The following GLYATL2 variants were observed in gnomAD, a reference collection of about 807,000 sequenced individuals.
The protein encoded by GLYATL2 is glycine-N-acyltransferase like 2, also known as glycine N-acyltransferase-like protein 2.
Under a neutral mutation model 21.4 loss-of-function variants are expected in GLYATL2, and 25 were observed. That is an observed-to-expected ratio of 1.17 (90% CI 0.85 to 1.63). The LOEUF (loss-of-function observed/expected upper bound fraction) is 1.63, where lower values mean the gene tolerates loss of function less well. Ranked by LOEUF, GLYATL2 falls within the 40% of genes most tolerant of loss-of-function variation. The pLI, the probability that GLYATL2 is intolerant of heterozygous loss-of-function variation, is 0.00. For missense variants in GLYATL2, 361 were observed against 343.3 expected (o/e 1.05, Z -0.41); for synonymous variants, 114 against 118.2 (o/e 0.96, Z 0.23).
rs1043551877 is a variant in GLYATL2, at chr11:58,834,745, T to A, written c.569A>T (p.Lys190Ile). 1 of 1,613,894 alleles carries A rather than the reference T, an allele frequency of 6.2e-7. No individual in the cohort carries two copies. The highest frequency in any genetic ancestry group is 1.3e-5 in the African/African-American group (1 of 74,888). The change falls in exon 6 of 6, where the codon AAA becomes ATA. Residue 190 changes from lysine to isoleucine, a missense_variant. Lys to Ile is a moderately radical substitution (Grantham distance 102). Coordinates refer to ENST00000287275, the MANE Select transcript of GLYATL2 (RefSeq NM_145016.4). ...WAFGKNERSLKYIERCLQDFL... is the reference protein window; with the variant it reads ...WAFGKNERSLIYIERCLQDFL... ...ATCCTGGAGGCAGCGTTCAATATAT[T>A]TCAAGCTCCTCTCATTTTTCCCAAA...
chr11:58,849,170 A>G (rs1853694852), upstream of GLYATL2, among the ~76,000 whole-genome samples: 2 of 152,212 alleles, frequency 1.3e-5, no homozygotes, highest in Admixed American at 6.5e-5. Context: ...GACCTTTCCT[A>G]CAAGAAATGC....
intron 1 of GLYATL2, among the ~76,000 whole-genome samples, chr11:58,886,892 C>A (rs533946691): frequency 6.6e-6 from 1 of 152,148 alleles, no homozygotes; most frequent in Admixed American, 6.5e-5. Context: ...GACAAAATGA[C>A]CCTAGCTTGA....
At chr11:58,858,195 A>T (rs1486582110) in intron 1 of GLYATL2, among the ~76,000 whole-genome samples, 1 of 152,104 alleles carries the variant, frequency 6.6e-6, no homozygotes, top group East Asian at 1.9e-4. Flanking sequence ...GGGGGAAAAA[A>T]ACTCCACAAA....
intron 5 of GLYATL2, among the ~76,000 whole-genome samples, chr11:58,835,533 GAGA>G (rs770979888): frequency 1.4e-4 from 22 of 152,204 alleles, no homozygotes; most frequent in Admixed American, 3.3e-4. Context: ...TGGTGGAAGA[GAGA>G]AGATCTCCAG....
intron 1 of GLYATL2, among the ~76,000 whole-genome samples, chr11:58,870,133 CAA>C (rs1199817478): frequency 6.6e-6 from 1 of 151,914 alleles, no homozygotes; most frequent in Non-Finnish European, 1.5e-5. Context: ...CAGAGAATGA[CAA>C]TGGGGCACAG....
intron 1 of GLYATL2, among the ~76,000 whole-genome samples, chr11:58,844,113 T>C (rs1319935618): frequency 6.6e-6 from 1 of 152,012 alleles, no homozygotes; most frequent in Non-Finnish European, 1.5e-5. Flanking sequence ...ATTTTTTTTT[T>C]CTGCTAACAG....
At chr11:58,909,622 T>C in the GLYATL2 span, among the ~76,000 whole-genome samples, 1 of 152,190 alleles carries the variant, frequency 6.6e-6, no homozygotes, top group African/African-American at 2.4e-5. Flanking sequence ...AATAAAGTCA[T>C]GTACACGTGA....
chr11:58,899,258 A>T (rs1430537350), intron 1 of GLYATL2, among the ~76,000 whole-genome samples: 1 of 150,856 alleles, frequency 6.6e-6, no homozygotes, highest in Non-Finnish European at 1.5e-5. Context: ...CTCCACTCCC[A>T]CCCCCACCTC....
At chr11:58,847,420 T>C (rs146080459), upstream of GLYATL2, among the ~76,000 whole-genome samples, 237 of 152,228 alleles carry the variant, frequency 1.6e-3, 1 homozygote, top group African/African-American at 5.4e-3. Context: ...AGGACTTAGC[T>C]CTTGAACAGC....
intron 5 of GLYATL2, 96 bp downstream of exon 5, chr11:58,836,919 A>G: frequency 9.4e-7 from 1 of 1,062,636 alleles, no homozygotes; most frequent in Non-Finnish European, 1.4e-6. Context: ...GTAGCCCATC[A>G]TAATTTAGTC....
chr11:58,839,363 A>G (rs934223447), intron 2 of GLYATL2, among the ~76,000 whole-genome samples, 172 bp downstream of exon 2: 1 of 152,194 alleles, frequency 6.6e-6, no homozygotes, highest in Non-Finnish European at 1.5e-5. Flanking sequence ...TTAAGAGGTC[A>G]CAAAAAGGAA....
intron 1 of GLYATL2, among the ~76,000 whole-genome samples, chr11:58,898,594 G>A (rs765107424): frequency 1.3e-5 from 2 of 151,560 alleles, no homozygotes; most frequent in South Asian, 2.1e-4. Context: ...CAGCACTTTC[G>A]GAGACCGAGG....
At chr11:58,864,411 G>C (rs1366829290) in intron 1 of GLYATL2, among the ~76,000 whole-genome samples, 3 of 139,386 alleles carry the variant, frequency 2.2e-5, no homozygotes, top group Non-Finnish European at 4.8e-5. Context: ...CAAGCCTGGA[G>C]CCTGTCCTGT....
chr11:58,834,721 T>A lies in GLYATL2; in HGVS notation c.593A>T (p.Asp198Val), dbSNP rs765204400. Reference sequence around the variant, plus strand: ...ACCCAGCACACCAAATCCTAGAAAATCCTGGAGGCAGCGTTCAATATATTT... The same window carrying A: ...ACCCAGCACACCAAATCCTAGAAAAACCTGGAGGCAGCGTTCAATATATTT... ...SLKYIERCLQ[D>V]FLGFGVLGPE... is the part of the protein sequence containing the mutation. Residue 198 changes from aspartate (D) to valine (V), a missense_variant, in exon 6 of 6, where the codon GAT becomes GTT. Coordinates refer to ENST00000287275, the MANE Select transcript of GLYATL2 (RefSeq NM_145016.4). 6.2e-7 allele frequency: 1 copy of A among 1,613,590 alleles called. No individual in the cohort carries two copies. Among genetic ancestry groups the A allele is most frequent in the Admixed American group, 1.7e-5 (1 of 59,988 alleles).
At chr11:58,847,534 T>C (rs553267258), upstream of GLYATL2, among the ~76,000 whole-genome samples, 85 of 152,206 alleles carry the variant, frequency 5.6e-4, no homozygotes, top group Non-Finnish European at 9.3e-4. Context: ...CCTTAGGCCT[T>C]AAGAGAACAC....
At position 58,864,829 on chromosome 11, in the gene GLYATL2, C is replaced by T. The variant is rs972047442; in HGVS notation, n.61-26461G>A. Among the ~76,000 whole-genome samples, 7 of 149,058 alleles carry T rather than the reference C, an allele frequency of 4.7e-5. 1 individual carries two copies. In the Admixed American group the frequency reaches 4.8e-4, roughly 10 times the overall value. ...TCCCATTCTGACATTTTGCTGATGT[C>T]TAGTTGCACAGCATCCAGTCAGATT... On this transcript the variant is annotated intron_variant and non_coding_transcript_variant, in intron 1 of 4. Coordinates refer to the GLYATL2 transcript ENST00000533636.
At chr11:58,879,915 G>A (rs1854303099) in intron 1 of GLYATL2, among the ~76,000 whole-genome samples, 1 of 149,920 alleles carries the variant, frequency 6.7e-6, no homozygotes, top group Non-Finnish European at 1.5e-5. Context: ...CTGTAGTGCA[G>A]TGGCGCGATC....
At chr11:58,862,968 G>A (rs890073284) in intron 1 of GLYATL2, among the ~76,000 whole-genome samples, 1 of 152,156 alleles carries the variant, frequency 6.6e-6, no homozygotes, top group Admixed American at 6.6e-5. Flanking sequence ...CCCTTTCCCA[G>A]TCATCCAGCA....
At chr11:58,898,482 CTTTT>C (rs138211723) in intron 1 of GLYATL2, among the ~76,000 whole-genome samples, 5 of 146,692 alleles carry the variant, frequency 3.4e-5, no homozygotes, top group Admixed American at 6.7e-5. Context: ...ATTGTTTCCT[CTTTT>C]TTTTTTTTTT....
Sources: allele counts gnomAD v4.1 joint callset (sites outside exome capture counted in the v4.1 genomes callset), GRCh38; gene constraint gnomAD v4.1.1; transcripts MANE v1.5; gene names NCBI Gene and HGNC (gene_info 2026-07-23, HGNC 2026-07-21).